TDP1: variants seen among roughly 807,000 people sequenced by gnomAD.
TDP1 encodes tyr-DNA phosphodiesterase 1.
A neutral mutation model predicts 81.5 loss-of-function variants in TDP1; 64 were observed. The observed-to-expected ratio is 0.79, with a 90% CI of 0.64 to 0.97. The LOEUF is 0.97. Ranked by LOEUF, TDP1 falls within the 50% of genes least tolerant of loss-of-function variation. The probability of loss-of-function intolerance (pLI) is 0.00; values close to 1 mark genes in which losing one functional copy is unlikely to be tolerated. For synonymous variants in TDP1, 256 were observed against 264.3 expected, an observed-to-expected ratio of 0.97 and a Z score of 0.30; for missense variants, 723 against 743.8, an observed-to-expected ratio of 0.97 and a Z score of 0.33.
chr14:89,979,459 A>G (rs1345987761), intron 7 of TDP1, among the ~76,000 whole-genome samples: 1 of 151,860 alleles, frequency 6.6e-6, no homozygotes, highest in Non-Finnish European at 1.5e-5. Flanking sequence ...ACAGGTGCCC[A>G]CGACCACACC....
chr14:89,973,895 G>A (rs949174682), intron 6 of TDP1, among the ~76,000 whole-genome samples: 3 of 152,108 alleles, frequency 2.0e-5, no homozygotes, highest in South Asian at 2.1e-4. Flanking sequence ...AGATGGCCAC[G>A]TTCTCACGGT....
chr14:90,033,754 A>G (rs556985535), intron 16 of TDP1: 1 of 164,930 alleles, frequency 6.1e-6, no homozygotes, highest in South Asian at 1.6e-4. Flanking sequence ...AAATGTAACA[A>G]TAATAAATCT....
At chr14:90,021,325 C>A (rs1886069276) in intron 15 of TDP1, among the ~76,000 whole-genome samples, 1 of 152,192 alleles carries the variant, frequency 6.6e-6, no homozygotes, top group African/African-American at 2.4e-5. Context: ...AATGAAGTCA[C>A]ATCACTAGGA....
chr14:90,005,179 C>T (rs1897552328), intron 14 of TDP1, among the ~76,000 whole-genome samples: 2 of 152,174 alleles, frequency 1.3e-5, no homozygotes, highest in South Asian at 4.1e-4. Flanking sequence ...ACTCTTAAGA[C>T]ATTTGTTTCT....
At chr14:89,989,229 C>A (rs374298253) in intron 11 of TDP1, 139 bp downstream of exon 11, 5 of 1,404,302 alleles carry the variant, frequency 3.6e-6, no homozygotes, top group East Asian at 2.5e-5. Flanking sequence ...GGGCGGGGTG[C>A]GGAAAGAGCA....
chr14:90,023,664 C>T (rs375131788), intron 15 of TDP1, among the ~76,000 whole-genome samples: 28 of 152,016 alleles, frequency 1.8e-4, no homozygotes, highest in Middle Eastern at 3.4e-3. Context: ...GTCACTGTTA[C>T]TATTCACCTC....
At chr14:89,984,266 G>C in intron 8 of TDP1, 4 of 985,440 alleles carry the variant, frequency 4.1e-6, no homozygotes, top group Non-Finnish European at 4.8e-6. Context: ...GATGTGGGTT[G>C]GAAGAGGTGG....
intron 15 of TDP1, among the ~76,000 whole-genome samples, chr14:90,020,374 CCCTT>C (rs1188651056): frequency 6.2e-5 from 7 of 112,626 alleles, no homozygotes; most frequent in Non-Finnish European, 8.5e-5. Flanking sequence ...CTCCCTCCCT[CCCTT>C]CCTTCCTTCC....
chr14:89,971,616 G>A (rs911538710), intron 6 of TDP1, among the ~76,000 whole-genome samples: 8 of 152,068 alleles, frequency 5.3e-5, no homozygotes, highest in East Asian at 3.9e-4. Context: ...GTCTCCCTTC[G>A]TTTTCTCTCT....
chr14:89,996,763 G>T (rs1896679667), intron 14 of TDP1, among the ~76,000 whole-genome samples: 1 of 152,184 alleles, frequency 6.6e-6, no homozygotes, highest in Admixed American at 6.5e-5. Flanking sequence ...AAGAAGAAAG[G>T]GGCAGGGGAG....
intron 11 of TDP1, 200 bp from the exon 12 acceptor site, chr14:89,989,517 A>G (rs371023896): frequency 2.9e-5 from 23 of 786,480 alleles, no homozygotes; most frequent in East Asian, 1.3e-4. Context: ...CAATTGAAGT[A>G]TAATTTTACA....
intron 13 of TDP1, chr14:89,993,057 C>G: frequency 1.1e-6 from 1 of 869,922 alleles, no homozygotes; most frequent in Non-Finnish European, 1.4e-6. Context: ...GCTCACAGTT[C>G]AGGCAGGAGA....
chr14:89,989,006 G>C lies in TDP1; in HGVS notation c.1233G>C (p.Trp411Cys). The C allele has an allele frequency of 6.2e-7, 1 of 1,614,184 alleles. No homozygotes were observed. The highest frequency in any genetic ancestry group is 8.5e-7 in the Non-Finnish European group (1 of 1,179,996). The stretch of plus-strand genomic sequence containing the variant: ...CCTTGGGAGCCGATGAATCAAAGTG[G>C]TTATGTTCTGAGTTTAAAGAGAGCA... Reference protein sequence around the residue: ...VGSLGADESKWLCSEFKESML... With the variant: ...VGSLGADESKCLCSEFKESML... The change falls in exon 11 of 17, where the codon TGG (tryptophan) becomes TGC (cysteine). Residue 411 changes from tryptophan (W) to cysteine (C), a missense_variant. Coordinates refer to ENST00000335725, the MANE Select transcript of TDP1 (RefSeq NM_018319.4).
chr14:89,961,420 A>G (rs1409980895), intron 2 of TDP1, among the ~76,000 whole-genome samples: 6 of 152,214 alleles, frequency 3.9e-5, no homozygotes, highest in Admixed American at 3.9e-4. Flanking sequence ...TCTCTAGGCC[A>G]GTGCTTATTT....
chr14:89,980,514 T>G (rs760748883), intron 7 of TDP1, 26 bp from the exon 8 acceptor site: 4 of 1,601,852 alleles, frequency 2.5e-6, no homozygotes, highest in Admixed American at 3.3e-5. Flanking sequence ...CTATTAATGC[T>G]TTTTGATCCT....
intron 16 of TDP1, among the ~76,000 whole-genome samples, chr14:90,042,649 A>G (rs933936392): frequency 6.6e-6 from 1 of 152,206 alleles, no homozygotes; most frequent in Non-Finnish European, 1.5e-5. Flanking sequence ...CACATCTTAC[A>G]TGGTGGCAGG....
intron 15 of TDP1, among the ~76,000 whole-genome samples, chr14:90,027,985 C>T (rs539707789): frequency 1.5e-4 from 23 of 152,220 alleles, no homozygotes; most frequent in Non-Finnish European, 3.1e-4. Flanking sequence ...AAATCAGAAT[C>T]TTGATGTCAC....
chr14:90,041,096 C>T (rs926863522), intron 16 of TDP1, among the ~76,000 whole-genome samples: 2 of 152,196 alleles, frequency 1.3e-5, no homozygotes, highest in African/African-American at 4.8e-5. Context: ...TAATAGCACT[C>T]ATAGCAAGAA....
intron 14 of TDP1, among the ~76,000 whole-genome samples, chr14:90,008,488 C>G (rs1041403001): frequency 3.3e-5 from 5 of 152,182 alleles, no homozygotes; most frequent in African/African-American, 1.2e-4. Context: ...ACTCTACCAC[C>G]TAGTACCTGT....
Sources: gnomAD v4.1 joint callset for allele counts (sites outside exome capture counted in the v4.1 genomes callset) on GRCh38, gnomAD v4.1.1 for gene constraint, MANE v1.5 for transcripts, NCBI Gene and HGNC (gene_info 2026-07-23, HGNC 2026-07-21) for gene names.